TOX: variants seen among roughly 807,000 people sequenced by gnomAD.
TOX encodes thymocyte selection associated high mobility group box, also known as thymocyte selection-associated high mobility group box protein TOX.
In TOX, 11 loss-of-function variants were observed where a neutral mutation model predicts 53.7. The ratio of observed to expected loss-of-function variants is 0.20; its 90% CI spans 0.13 to 0.34. The LOEUF is 0.34. Among genes scored for constraint, TOX ranks in the 10% least tolerant of loss-of-function variants. The pLI, the probability that TOX is intolerant of heterozygous loss-of-function variation, is 1.00. For synonymous variants in TOX, 225 were observed against 245.3 expected, an observed-to-expected ratio of 0.92 and a Z score of 0.77; for missense variants, 570 against 664.6, an observed-to-expected ratio of 0.86 and a Z score of 1.56.
At chr8:59,101,163 T>G (rs1047774871) in intron 1 of TOX, among the ~76,000 whole-genome samples, 2 of 152,200 alleles carry the variant, frequency 1.3e-5, no homozygotes, top group South Asian at 4.1e-4. Context: ...TAATAGTATT[T>G]AGGTCAAATA....
At chr8:58,808,494 C>A (rs1307933646) in intron 7 of TOX, among the ~76,000 whole-genome samples, 3 of 152,126 alleles carry the variant, frequency 2.0e-5, no homozygotes, top group Non-Finnish European at 2.9e-5. Flanking sequence ...GTCAGAAAAC[C>A]TTTAATTATA....
At chr8:58,975,228 T>C (rs1036474646) in intron 1 of TOX, among the ~76,000 whole-genome samples, 1 of 130,488 alleles carries the variant, frequency 7.7e-6, no homozygotes, top group Admixed American at 8.3e-5. Context: ...TGTATGTATA[T>C]GTGTGTGATA....
chr8:58,877,290 T>C (rs1407897070), intron 3 of TOX, among the ~76,000 whole-genome samples: 1 of 152,188 alleles, frequency 6.6e-6, no homozygotes, highest in African/African-American at 2.4e-5. Context: ...AACATGAAAG[T>C]CTTCATTTGG....
At chr8:59,060,739 T>C (rs965962740) in intron 1 of TOX, among the ~76,000 whole-genome samples, 3 of 152,256 alleles carry the variant, frequency 2.0e-5, no homozygotes, top group African/African-American at 7.2e-5. Flanking sequence ...CATTTTTGCC[T>C]GTTATGCCAT....
chr8:58,923,536 T>C (rs1812107423), intron 3 of TOX, among the ~76,000 whole-genome samples: 1 of 152,186 alleles, frequency 6.6e-6, no homozygotes, highest in Admixed American at 6.5e-5. Flanking sequence ...CTGTCATTCA[T>C]TAATCAAACC....
At chr8:59,084,326 T>A (rs941075884) in intron 1 of TOX, among the ~76,000 whole-genome samples, 8 of 152,164 alleles carry the variant, frequency 5.3e-5, no homozygotes, top group African/African-American at 1.9e-4. Flanking sequence ...ATCCTCTATT[T>A]ACTTTTTAGA....
chr8:59,015,188 T>G (rs1177383781), intron 1 of TOX, among the ~76,000 whole-genome samples: 1 of 152,216 alleles, frequency 6.6e-6, no homozygotes, highest in African/African-American at 2.4e-5. Flanking sequence ...TGGTAACAAT[T>G]AACACTTTCT....
At chr8:58,936,897 A>G (rs1262197582) in intron 3 of TOX, among the ~76,000 whole-genome samples, 2 of 152,224 alleles carry the variant, frequency 1.3e-5, no homozygotes, top group Non-Finnish European at 2.9e-5. Context: ...CTGTAAAGTA[A>G]TTAAAATAAA....
intron 1 of TOX, among the ~76,000 whole-genome samples, chr8:59,078,899 A>G (rs1460213718): frequency 6.6e-6 from 1 of 152,250 alleles, no homozygotes; most frequent in East Asian, 1.9e-4. Flanking sequence ...CTGAGGTCTC[A>G]GATGGAAATG....
At chr8:59,037,764 T>G (rs1453194752) in intron 1 of TOX, among the ~76,000 whole-genome samples, 1 of 143,900 alleles carries the variant, frequency 6.9e-6, no homozygotes, top group Non-Finnish European at 1.5e-5. Context: ...ACCATGCCAT[T>G]GCACTCCAGC....
At chr8:58,930,809 CA>C (rs1812243255) in intron 3 of TOX, among the ~76,000 whole-genome samples, 1 of 152,126 alleles carries the variant, frequency 6.6e-6, no homozygotes, top group Non-Finnish European at 1.5e-5. Flanking sequence ...CTGCTTTCCC[CA>C]AACTGCCCCC....
intron 1 of TOX, among the ~76,000 whole-genome samples, chr8:59,108,295 A>G (rs1042176915): frequency 2.0e-5 from 3 of 152,188 alleles, no homozygotes; most frequent in African/African-American, 4.8e-5. Context: ...TCCTCAACAC[A>G]CCCTGTCAAA....
chr8:58,971,047 T>G (rs1812993184), intron 1 of TOX, among the ~76,000 whole-genome samples: 1 of 152,230 alleles, frequency 6.6e-6, no homozygotes, highest in Non-Finnish European at 1.5e-5. Context: ...TTTCAGAGTT[T>G]AGATAATGGC....
At position 59,013,562 on chromosome 8, in the gene TOX, C is replaced by T. The variant is rs187532150; in HGVS notation, c.103-53554G>A. The stretch of plus-strand genomic sequence containing the variant: ...AGTAGCTGGAACTACAGCCACGAGC[C>T]ACCATGCCCAGCTTATTTTTGTATT... On this transcript the variant is annotated intron_variant, in intron 1 of 8. Coordinates refer to ENST00000361421, the MANE Select transcript of TOX (RefSeq NM_014729.3). Among the ~76,000 whole-genome samples the T allele has an allele frequency of 5.1e-4, 78 of 152,274 alleles. 1 individual carries two copies. Among genetic ancestry groups the T allele is most frequent in the South Asian group, 1.7e-3 (8 of 4,824 alleles).
intron 5 of TOX, among the ~76,000 whole-genome samples, chr8:58,829,953 T>C (rs1040834087): frequency 1.3e-5 from 2 of 152,274 alleles, no homozygotes; most frequent in South Asian, 2.1e-4. Context: ...CATTTGGCAA[T>C]GAACAACCAC....
chr8:59,025,371 A>T (rs1248480044), intron 1 of TOX, among the ~76,000 whole-genome samples: 2 of 152,170 alleles, frequency 1.3e-5, no homozygotes, highest in East Asian at 3.9e-4. Flanking sequence ...GACTTGTTAA[A>T]TACCTACTGT....
At chr8:59,081,951 C>T (rs188263565) in intron 1 of TOX, among the ~76,000 whole-genome samples, 45 of 152,166 alleles carry the variant, frequency 3.0e-4, no homozygotes, top group Admixed American at 2.3e-3. Flanking sequence ...TAAAATGGAT[C>T]GTTAAGTACT....
At chr8:59,008,685 C>T (rs1229483851) in intron 1 of TOX, among the ~76,000 whole-genome samples, 1 of 152,176 alleles carries the variant, frequency 6.6e-6, no homozygotes, top group Admixed American at 6.5e-5. Context: ...GACACTTTTC[C>T]CCGAGAAGTC....
intron 1 of TOX, among the ~76,000 whole-genome samples, chr8:59,082,604 G>T (rs1247472811): frequency 6.6e-6 from 1 of 152,116 alleles, no homozygotes; most frequent in African/African-American, 2.4e-5. Context: ...GAGGGGGTAG[G>T]AAAATAAACA....
Sources: gnomAD v4.1 joint callset for allele counts (sites outside exome capture counted in the v4.1 genomes callset) on GRCh38, gnomAD v4.1.1 for gene constraint, MANE v1.5 for transcripts, NCBI Gene and HGNC (gene_info 2026-07-23, HGNC 2026-07-21) for gene names.